The following ADARB2 variants were observed in gnomAD, a reference collection of about 807,000 sequenced individuals.
ADARB2 encodes the protein adenosine deaminase RNA specific B2 (inactive), also known as inactive double-stranded RNA-specific editase B2.
A neutral mutation model predicts 62.2 loss-of-function variants in ADARB2; 25 were observed. The observed-to-expected ratio is 0.40, with a 90% CI of 0.29 to 0.56. The LOEUF is 0.56. Among genes scored for constraint, ADARB2 ranks in the 20% least tolerant of loss-of-function variants. The pLI, the probability that ADARB2 is intolerant of heterozygous loss-of-function variation, is 0.43. For synonymous variants in ADARB2, 572 were observed against 500.8 expected (o/e 1.14, Z -1.90); for missense variants, 1,071 against 1,077.4 (o/e 0.99, Z 0.08).
chr10:1,351,377 A>G (rs908841374), intron 3 of ADARB2, among the ~76,000 whole-genome samples: 1 of 151,864 alleles, frequency 6.6e-6, no homozygotes, highest in Non-Finnish European at 1.5e-5. Flanking sequence ...CCTTGCCTCC[A>G]TAACTGTTGT....
chr10:1,277,364 A>G (rs1322007015), intron 3 of ADARB2, among the ~76,000 whole-genome samples: 1 of 152,244 alleles, frequency 6.6e-6, no homozygotes, highest in South Asian at 2.1e-4. Context: ...CGCTAGCAAG[A>G]CTAATAAAGA....
chr10:1,464,086 C>G (rs958957307), intron 1 of ADARB2, among the ~76,000 whole-genome samples: 1 of 150,000 alleles, frequency 6.7e-6, no homozygotes, highest in Non-Finnish European at 1.5e-5. Flanking sequence ...CACACACATG[C>G]GCTGGGGGCA....
intron 3 of ADARB2, among the ~76,000 whole-genome samples, chr10:1,297,553 C>G (rs148355317): frequency 6.6e-6 from 1 of 152,310 alleles, no homozygotes; most frequent in African/African-American, 2.4e-5. Context: ...GACCCAGAGA[C>G]CCCCGAGGGT....
At chr10:1,269,530 T>C (rs534090011) in intron 4 of ADARB2, among the ~76,000 whole-genome samples, 1 of 152,218 alleles carries the variant, frequency 6.6e-6, no homozygotes, top group African/African-American at 2.4e-5. Flanking sequence ...CAAAATAACC[T>C]GATCAGGTAG....
intron 1 of ADARB2, among the ~76,000 whole-genome samples, chr10:1,618,395 T>G (rs10903514): frequency 0.72 from 109,380 of 152,056 alleles, 39,558 homozygotes; most frequent in African/African-American, 0.81. Flanking sequence ...AAACTTAAGA[T>G]GAATGAGAAG....
intron 1 of ADARB2, among the ~76,000 whole-genome samples, chr10:1,548,390 T>A (rs1472328698): frequency 6.6e-6 from 1 of 152,178 alleles, no homozygotes; most frequent in South Asian, 2.1e-4. Flanking sequence ...ACCCAGTGAG[T>A]ACCAGTGAGT....
At chr10:1,517,787 C>T (rs892966349) in intron 1 of ADARB2, among the ~76,000 whole-genome samples, 4 of 152,128 alleles carry the variant, frequency 2.6e-5, no homozygotes, top group African/African-American at 9.7e-5. Context: ...TGTCTTCGGT[C>T]GTATGATCAG....
intron 1 of ADARB2, among the ~76,000 whole-genome samples, chr10:1,595,203 T>G (rs1244469887): frequency 6.6e-6 from 1 of 152,182 alleles, no homozygotes; most frequent in Non-Finnish European, 1.5e-5. Context: ...AGTAAACATT[T>G]GCAAGGCACA....
In ADARB2 at chr10:1,331,670, C is replaced by T. The variant is rs181461843; in HGVS notation, c.1077+31358G>A. Among the ~76,000 whole-genome samples, 102 of 152,308 alleles carry T rather than the reference C, an allele frequency of 6.7e-4. 1 individual carries two copies. The highest frequency in any genetic ancestry group is 1.2e-3 in the Non-Finnish European group (81 of 68,024). ...AAAGATAAGAATGATGGTTGCAGAA[C>T]ACTGTGAATATAGTAAAGACCTTTG... On this transcript the variant is annotated intron_variant, in intron 3 of 9. Transcript: ENST00000381312.
At chr10:1,702,606 C>T (rs980024528) in intron 1 of ADARB2, among the ~76,000 whole-genome samples, 1 of 152,246 alleles carries the variant, frequency 6.6e-6, no homozygotes, top group Non-Finnish European at 1.5e-5. Flanking sequence ...AGTCACCCCT[C>T]TATTCTCAGA....
chr10:1,603,138 A>AAC (rs1241129551), intron 1 of ADARB2, among the ~76,000 whole-genome samples: 1 of 85,474 alleles, frequency 1.2e-5, no homozygotes, highest in Non-Finnish European at 2.7e-5. Context: ...TACACACATA[A>AAC]ACACACACAC....
At chr10:1,224,228 T>G (rs1564226518) in intron 6 of ADARB2, among the ~76,000 whole-genome samples, 1 of 152,222 alleles carries the variant, frequency 6.6e-6, no homozygotes, top group African/African-American at 2.4e-5. Context: ...GTTTGTAGTA[T>G]TCTCTGATGG....
chr10:1,336,590 C>T (rs1564261016), intron 3 of ADARB2, among the ~76,000 whole-genome samples: 1 of 152,160 alleles, frequency 6.6e-6, no homozygotes, highest in Non-Finnish European at 1.5e-5. Context: ...GATATTTCTT[C>T]ATATTATAAA....
chr10:1,264,645 A>C (rs1187750420), intron 4 of ADARB2, among the ~76,000 whole-genome samples: 1 of 152,238 alleles, frequency 6.6e-6, no homozygotes, highest in South Asian at 2.1e-4. Flanking sequence ...GCAGCAAAAC[A>C]TAGTCTACAT....
In ADARB2 at chr10:1,649,973, C is replaced by T. The variant is rs188871606; in HGVS notation, c.100+87078G>A. ...AACCCGGGAGGACCTGGAGGTCCTGCTTCTGTCACTGGCTGGGCTGCGTAT... is the reference window on the plus strand; with the variant it reads ...AACCCGGGAGGACCTGGAGGTCCTGTTTCTGTCACTGGCTGGGCTGCGTAT... On this transcript the variant is annotated intron_variant, in intron 1 of 9. Coordinates refer to ENST00000381312, the MANE Select transcript of ADARB2 (RefSeq NM_018702.4). Among the ~76,000 whole-genome samples the T allele has an allele frequency of 2.7e-3, 413 of 152,334 alleles. 2 individuals are homozygous for T. Among genetic ancestry groups the T allele is most frequent in the African/African-American group, 9.3e-3 (387 of 41,576 alleles).
At chr10:1,499,572 ATCAT>A (rs549112559) in intron 1 of ADARB2, among the ~76,000 whole-genome samples, 104 of 151,746 alleles carry the variant, frequency 6.9e-4, no homozygotes, top group Non-Finnish European at 1.2e-3. Flanking sequence ...TCACTCACTC[ATCAT>A]TCATCACCCA....
At chr10:1,454,320 G>A (rs1220870759) in intron 1 of ADARB2, among the ~76,000 whole-genome samples, 6 of 152,076 alleles carry the variant, frequency 3.9e-5, no homozygotes, top group Admixed American at 3.9e-4. Context: ...ATGAGATTTG[G>A]GTGGGAACAC....
At chr10:1,223,383 C>T (rs1830713599) in intron 6 of ADARB2, among the ~76,000 whole-genome samples, 1 of 152,180 alleles carries the variant, frequency 6.6e-6, no homozygotes, top group South Asian at 2.1e-4. Flanking sequence ...TTGACTTCCT[C>T]TTTTTCTAAT....
At chr10:1,425,312 C>T (rs144262844) in intron 1 of ADARB2, among the ~76,000 whole-genome samples, 189 of 152,300 alleles carry the variant, frequency 1.2e-3, no homozygotes, top group African/African-American at 4.3e-3. Flanking sequence ...GGATACTTTA[C>T]GCTGAATGGC....
Sources: allele counts gnomAD v4.1 joint callset (sites outside exome capture counted in the v4.1 genomes callset), GRCh38; gene constraint gnomAD v4.1.1; transcripts MANE v1.5; gene names NCBI Gene and HGNC (gene_info 2026-07-23, HGNC 2026-07-21).